ZNF385B: variants seen among roughly 807,000 people sequenced by gnomAD.
The protein encoded by ZNF385B is zinc finger protein 533.
A neutral mutation model predicts 39.2 loss-of-function variants in ZNF385B; 23 were observed. That is an observed-to-expected ratio of 0.59 (90% CI 0.42 to 0.83). The LOEUF is 0.83. Ranked by LOEUF, ZNF385B falls within the 40% of genes least tolerant of loss-of-function variation. The pLI is 0.00. For synonymous variants in ZNF385B, 205 were observed against 222.6 expected (o/e 0.92, Z 0.70); for missense variants, 552 against 598.9 (o/e 0.92, Z 0.82).
chr2:179,788,382 C>T (rs1705129148), intron 1 of ZNF385B, among the ~76,000 whole-genome samples: 1 of 152,092 alleles, frequency 6.6e-6, no homozygotes, highest in Non-Finnish European at 1.5e-5. Flanking sequence ...TAGATTTAGA[C>T]CAGAGACTTT....
intron 1 of ZNF385B, among the ~76,000 whole-genome samples, chr2:179,824,769 G>T (rs1043193544): frequency 2.1e-4 from 24 of 114,892 alleles, no homozygotes; most frequent in African/African-American, 4.4e-4. Flanking sequence ...TTTTATTGGA[G>T]AATTTTTTTA....
At chr2:179,611,318 G>A (rs1689271540) in intron 3 of ZNF385B, among the ~76,000 whole-genome samples, 1 of 152,094 alleles carries the variant, frequency 6.6e-6, no homozygotes, top group Admixed American at 6.6e-5. Context: ...TATGGTTTTT[G>A]TCATTCATTC....
At chr2:179,489,425 C>T (rs574007864) in intron 5 of ZNF385B, among the ~76,000 whole-genome samples, 2 of 152,254 alleles carry the variant, frequency 1.3e-5, no homozygotes, top group African/African-American at 4.8e-5. Flanking sequence ...TAAGATGCTG[C>T]TCTTACATCA....
chr2:179,568,966 C>T lies in ZNF385B; in HGVS notation c.299-23997G>A, dbSNP rs547710708. On this transcript the variant is annotated intron_variant, in intron 3 of 9. Transcript: ENST00000410066. ...CTAGAGTTTATTAGTCATCTTTACT[C>T]ATTTGTATAACAATGTCTAACACTT... Among the ~76,000 whole-genome samples the T allele has an allele frequency of 5.3e-5, 8 of 152,316 alleles. No homozygotes were observed. In the South Asian group the frequency reaches 1.7e-3, roughly 32 times the overall value.
chr2:179,493,436 C>T (rs13016735), intron 5 of ZNF385B, among the ~76,000 whole-genome samples: 61,453 of 150,482 alleles, frequency 0.41, 12,963 homozygotes, highest in South Asian at 0.49. Flanking sequence ...CATATATGTA[C>T]GTATATGCAT....
At chr2:179,793,124 C>A (rs1705447735) in intron 1 of ZNF385B, among the ~76,000 whole-genome samples, 1 of 152,172 alleles carries the variant, frequency 6.6e-6, no homozygotes, top group African/African-American at 2.4e-5. Context: ...TTAATGGCCC[C>A]TTTTCTTTGC....
At chr2:179,817,819 G>C (rs1165158905) in intron 1 of ZNF385B, among the ~76,000 whole-genome samples, 2 of 152,118 alleles carry the variant, frequency 1.3e-5, no homozygotes, top group African/African-American at 4.8e-5. Context: ...TGGCCTGCAG[G>C]AGACAATGTG....
At chr2:179,744,136 G>T (rs901757476) in intron 3 of ZNF385B, among the ~76,000 whole-genome samples, 3 of 151,994 alleles carry the variant, frequency 2.0e-5, no homozygotes, top group Admixed American at 2.0e-4. Context: ...ATAACTATTT[G>T]GATGTCACAT....
chr2:179,749,513 C>T (rs1185931120), intron 3 of ZNF385B, among the ~76,000 whole-genome samples: 1 of 152,104 alleles, frequency 6.6e-6, no homozygotes, highest in Non-Finnish European at 1.5e-5. Context: ...GATGTCTAAC[C>T]CAGAACACTG....
intron 6 of ZNF385B, among the ~76,000 whole-genome samples, chr2:179,469,613 C>T (rs780748492): frequency 6.6e-6 from 1 of 151,924 alleles, no homozygotes; most frequent in Non-Finnish European, 1.5e-5. Context: ...TACATTTTAC[C>T]CAGGAAAAGG....
chr2:179,822,080 A>C (rs1707429079), intron 1 of ZNF385B, among the ~76,000 whole-genome samples: 1 of 152,216 alleles, frequency 6.6e-6, no homozygotes, highest in African/African-American at 2.4e-5. Context: ...ACTCTTATTT[A>C]AAATATTCTT....
intron 3 of ZNF385B, among the ~76,000 whole-genome samples, chr2:179,687,097 T>G (rs1246270706): frequency 1.3e-5 from 2 of 151,788 alleles, no homozygotes; most frequent in Non-Finnish European, 2.9e-5. Flanking sequence ...CTTCCTTACC[T>G]TCTACTCTGA....
At chr2:179,491,143 T>G (rs2055178852) in intron 5 of ZNF385B, among the ~76,000 whole-genome samples, 1 of 152,164 alleles carries the variant, frequency 6.6e-6, no homozygotes, top group Non-Finnish European at 1.5e-5. Context: ...TCAACATAGG[T>G]AATGAGTAAT....
At chr2:179,569,929 C>T (rs1478276827) in intron 3 of ZNF385B, among the ~76,000 whole-genome samples, 1 of 152,144 alleles carries the variant, frequency 6.6e-6, no homozygotes, top group Non-Finnish European at 1.5e-5. Context: ...GTATCCTGAA[C>T]ATAGTTATGC....
At chr2:179,628,845 G>A (rs995449112) in intron 3 of ZNF385B, among the ~76,000 whole-genome samples, 6 of 152,154 alleles carry the variant, frequency 3.9e-5, no homozygotes, top group African/African-American at 1.4e-4. Flanking sequence ...AGTTTGTACA[G>A]GAACGACAGC....
chr2:179,551,212 C>T (rs957462168), intron 3 of ZNF385B, among the ~76,000 whole-genome samples: 1 of 151,956 alleles, frequency 6.6e-6, no homozygotes, highest in African/African-American at 2.4e-5. Flanking sequence ...TCACTGAATG[C>T]ATATATTTAT....
At chr2:179,612,791 G>A (rs1217551140) in intron 3 of ZNF385B, among the ~76,000 whole-genome samples, 1 of 152,184 alleles carries the variant, frequency 6.6e-6, no homozygotes, top group African/African-American at 2.4e-5. Flanking sequence ...TGGCGGCAAA[G>A]CCAGCCAGGC....
intron 5 of ZNF385B, among the ~76,000 whole-genome samples, chr2:179,494,480 CAT>C (rs1320234911): frequency 3.3e-5 from 5 of 152,218 alleles, no homozygotes; most frequent in Non-Finnish European, 7.4e-5. Context: ...GCTTCAAAAA[CAT>C]AATTTTCTTA....
intron 1 of ZNF385B, among the ~76,000 whole-genome samples, chr2:179,784,746 T>C (rs980609050): frequency 1.3e-5 from 2 of 152,056 alleles, no homozygotes; most frequent in African/African-American, 2.4e-5. Flanking sequence ...CAATGTGATA[T>C]GATTATCTTC....
Sources: gnomAD v4.1 joint callset for allele counts (sites outside exome capture counted in the v4.1 genomes callset) on GRCh38, gnomAD v4.1.1 for gene constraint, MANE v1.5 for transcripts, NCBI Gene and HGNC (gene_info 2026-07-23, HGNC 2026-07-21) for gene names.